Variants in RNF123 observed in about 807,000 individuals in gnomAD.
The protein encoded by RNF123 is E3 ubiquitin-protein ligase RNF123.
In RNF123, 86 loss-of-function variants were observed where a neutral mutation model predicts 168.5. That is an observed-to-expected ratio of 0.51 (90% CI 0.43 to 0.61). The LOEUF is 0.61. Among genes scored for constraint, RNF123 ranks in the 20% least tolerant of loss-of-function variants. The pLI, the probability that RNF123 is intolerant of heterozygous loss-of-function variation, is 0.00. For missense variants in RNF123, 1,419 were observed against 1,729.7 expected (o/e 0.82, Z 3.19); for synonymous variants, 666 against 689.1 (o/e 0.97, Z 0.52).
At position 49,720,852 on chromosome 3, in the gene RNF123, G is replaced by A. The variant is rs770505093; in HGVS notation, c.3696G>A (p.Ala1232=). The change falls in exon 37 of 39, where the codon GCG becomes GCA. Residue 1232 remains alanine, a synonymous_variant. Coordinates refer to ENST00000327697, the MANE Select transcript of RNF123 (RefSeq NM_022064.5). ...TGGCCCAAGTGGAACAGATGCTGGC[G>A]CACCTGACCTCTGCATCTGCCCAGG... ...DELAQVEQML[A]HLTSASAQAA... is the part of the protein sequence containing the mutation. 8 of 1,614,166 alleles carry A rather than the reference G, an allele frequency of 5.0e-6. No individual in the cohort carries two copies. Among genetic ancestry groups the A allele is most frequent in the East Asian group, 2.2e-5 (1 of 44,884 alleles).
At chr3:49,705,209 TC>T in intron 23 of RNF123, 27 bp downstream of exon 23, 1 of 1,576,730 alleles carries the variant, frequency 6.3e-7, no homozygotes, top group Admixed American at 1.8e-5. Flanking sequence ...GTCAGGCAGG[TC>T]CCCGAAGGAC....
intron 38 of RNF123, 21 bp from the exon 39 acceptor site, chr3:49,721,164 T>A (rs2080397354): frequency 6.2e-7 from 1 of 1,614,172 alleles, no homozygotes; most frequent in Non-Finnish European, 8.5e-7. Context: ...AGGGCAGTCC[T>A]CATCCCCTCC....
chr3:49,706,716 G>C, intron 25 of RNF123, 75 bp from the exon 26 acceptor site: 1 of 1,336,090 alleles, frequency 7.5e-7, no homozygotes, highest in Non-Finnish European at 1.1e-6. Context: ...GCCCTTCCTA[G>C]GCTGCCTGCA....
At chr3:49,713,284 G>C (rs2080178417) in intron 27 of RNF123, 2 of 598,348 alleles carry the variant, frequency 3.3e-6, no homozygotes, top group Non-Finnish European at 5.9e-6. Flanking sequence ...TTGAGCCCAG[G>C]TCAGGGCTCC....
intron 24 of RNF123, 96 bp downstream of exon 24, chr3:49,705,775 G>A: frequency 6.4e-7 from 1 of 1,565,644 alleles, no homozygotes; most frequent in Non-Finnish European, 8.7e-7. Context: ...AGGGCTGCCT[G>A]TTCAAGACCG....
In RNF123 at chr3:49,716,090, C is replaced by T. The variant is rs1248180920; in HGVS notation, c.3340-12C>T. 6.2e-7 allele frequency: 1 copy of T among 1,613,656 alleles called. No homozygotes were observed. The highest frequency in any genetic ancestry group is 8.5e-7 in the Non-Finnish European group (1 of 1,179,982). ...CTCCCCATCCACCAATGGACTCCTG[C>T]TCCCCTCACAGCTGCTAAACCAGGT... On this transcript the variant is annotated splice_polypyrimidine_tract_variant and intron_variant, in intron 33 of 38. Transcript: ENST00000327697.
Position 49,702,330 on chromosome 3 carries a change from A to G in RNF123, c.1558-4A>G. 1 of 1,614,054 alleles carries G rather than the reference A, an allele frequency of 6.2e-7. No individual in the cohort carries two copies. Among genetic ancestry groups the G allele is most frequent in the African/African-American group, 1.3e-5 (1 of 75,034 alleles). ...GCACAGCCTCACTTTTCCCTCTCTCAAAGGGTGAAGCTTCTAGGTATATCT... is the reference window on the plus strand; with the variant it reads ...GCACAGCCTCACTTTTCCCTCTCTCGAAGGGTGAAGCTTCTAGGTATATCT... On this transcript the variant is annotated splice_region_variant and splice_polypyrimidine_tract_variant and intron_variant, in intron 18 of 38. Coordinates refer to ENST00000327697, the MANE Select transcript of RNF123 (RefSeq NM_022064.5).
rs571624743 is a variant in RNF123, at chr3:49,714,373, C to G, written c.3010+199C>G. ...AAGGATACTCGGGATGGGACTCCCCCTCCCCAGCCTTGCCCACAGTCTTAC... is the reference window on the plus strand; with the variant it reads ...AAGGATACTCGGGATGGGACTCCCCGTCCCCAGCCTTGCCCACAGTCTTAC... On this transcript the variant is annotated intron_variant, in intron 31 of 38. Coordinates refer to ENST00000327697, the MANE Select transcript of RNF123 (RefSeq NM_022064.5). Among the ~76,000 whole-genome samples, 24 of 152,346 alleles carry G rather than the reference C, an allele frequency of 1.6e-4. 1 individual carries two copies. In the South Asian group the frequency reaches 5.0e-3, roughly 32 times the overall value.
chr3:49,712,769 G>T (rs1258389094), intron 27 of RNF123, 113 bp downstream of exon 27: 9 of 1,236,410 alleles, frequency 7.3e-6, no homozygotes, highest in Non-Finnish European at 9.3e-6. Context: ...GTGGGGGGCG[G>T]GGAGGGGAGG....
chr3:49,701,374 C>T, intron 15 of RNF123, 117 bp from the exon 16 acceptor site: 1 of 793,086 alleles, frequency 1.3e-6, no homozygotes, highest in South Asian at 1.5e-5. Context: ...GCAACATGCC[C>T]CTGTGGTGGT....
intron 12 of RNF123, 170 bp from the exon 13 acceptor site, chr3:49,700,057 T>C: frequency 2.2e-6 from 2 of 905,572 alleles, no homozygotes; most frequent in Non-Finnish European, 3.3e-6. Context: ...CGTGGGGCAA[T>C]GGCCTTCTTG....
rs77308703 is a variant in RNF123, at chr3:49,699,104, C to T, written c.763C>T (p.Arg255Cys). 1,839 of 1,612,932 alleles carry T rather than the reference C, an allele frequency of 1.1e-3. 17 individuals are homozygous for T. The East Asian group carries it at 0.025, about 22-fold the overall frequency. Residue 255 changes from arginine to cysteine, a missense_variant and splice_region_variant, in exon 10 of 39, where the codon CGC becomes TGC. Physicochemically the swap from Arg to Cys is radical, Grantham distance 180. Around this residue, in one of 5 missense-constraint regions of RNF123, gnomAD observed 318 missense variants for 446.6 expected, o/e 0.71. Coordinates refer to ENST00000327697, the MANE Select transcript of RNF123 (RefSeq NM_022064.5). The surrounding 1 kb of genome is among the most constrained non-coding windows in gnomAD (Gnocchi z 4.8). ...VAFNFGSRPL[R>C]YPVAGYRPLQ... Reference sequence around the variant, plus strand: ...CTTCAACTTTGGCAGCCGTCCTCTGCGATATCATTTTGTGAAGATGGCTGT... The same window carrying T: ...CTTCAACTTTGGCAGCCGTCCTCTGTGATATCATTTTGTGAAGATGGCTGT...
At chr3:49,691,930 A>C (rs182273614) in intron 3 of RNF123, among the ~76,000 whole-genome samples, 186 of 147,338 alleles carry the variant, frequency 1.3e-3, no homozygotes, top group Admixed American at 1.8e-3. Flanking sequence ...TCAGTATAAA[A>C]GTTACAAGTA....
chr3:49,704,421 G>T (rs984472113), intron 21 of RNF123, among the ~76,000 whole-genome samples: 2 of 152,154 alleles, frequency 1.3e-5, no homozygotes, highest in African/African-American at 2.4e-5. Flanking sequence ...AAAAAGAAGG[G>T]TGTGATGGGG....
chr3:49,694,777 C>A (rs1472228209), intron 3 of RNF123, among the ~76,000 whole-genome samples: 1 of 152,122 alleles, frequency 6.6e-6, no homozygotes, highest in African/African-American at 2.4e-5. Context: ...CCTGCCCACC[C>A]CCACCCCATA....
rs769646708 is a variant in RNF123 at position 49,705,620 on chromosome 3, G to A, written c.2245G>A (p.Glu749Lys). Residue 749 changes from glutamate (E) to lysine (K), a missense_variant, in exon 24 of 39, where the codon GAA (glutamate) becomes AAA (lysine). By Grantham distance (56) the Glu-to-Lys change is moderately conservative. Coordinates refer to ENST00000327697, the MANE Select transcript of RNF123 (RefSeq NM_022064.5). ...GCCCCTCACCGAGAACTCGCTGCTG[G>A]AAGTCCTGGATGGGGCGGTCATGAT... is the stretch of plus-strand genomic sequence containing the variant. ...EQPLTENSLL[E>K]VLDGAVMMYN... The A allele has an allele frequency of 6.2e-7, 1 of 1,614,122 alleles. No homozygotes were observed. Among genetic ancestry groups the A allele is most frequent in the Non-Finnish European group, 8.5e-7 (1 of 1,179,994 alleles).
Position 49,713,505 on chromosome 3 carries a change from C to T in RNF123, c.2675-8C>T, listed in dbSNP as rs779973400. On this transcript the variant is annotated splice_polypyrimidine_tract_variant and splice_region_variant and intron_variant, in intron 27 of 38. Coordinates refer to ENST00000327697, the MANE Select transcript of RNF123 (RefSeq NM_022064.5). ...CCAGCCGACACGTCTCACTTCCCAC[C>T]CTTGCAGGCTATGAAGAGACCCTGA... is the stretch of plus-strand genomic sequence containing the variant. 7 of 1,604,706 alleles carry T rather than the reference C, an allele frequency of 4.4e-6. No homozygotes were observed. The Admixed American group carries it at 1.2e-4, about 27-fold the overall frequency.
chr3:49,692,336 A>G (rs544171824), intron 3 of RNF123, among the ~76,000 whole-genome samples: 11 of 152,310 alleles, frequency 7.2e-5, no homozygotes, highest in Non-Finnish European at 1.5e-4. Flanking sequence ...TTTGTGTTAC[A>G]TTTTTAATTT....
chr3:49,721,068 T>G lies in RNF123; in HGVS notation c.3787T>G (p.Ser1263Ala). The G allele has an allele frequency of 6.2e-7, 1 of 1,613,928 alleles. No individual in the cohort carries two copies. Among genetic ancestry groups the G allele is most frequent in the Non-Finnish European group, 8.5e-7 (1 of 1,179,916 alleles). The change falls in exon 38 of 39, where the codon TCT becomes GCT. Residue 1263 changes from serine (S) to alanine (A), a missense_variant. Ser to Ala is a moderately conservative substitution (Grantham distance 99, BLOSUM62 1). Transcript: ENST00000327697. ...CCCCATCTGCTATGCCCACCCCATC[T>G]CTGCTGTGTTCCAGCCCTGTGGCCA... ...LCPICYAHPISAVFQPCGHKS... is the reference protein window; with the variant it reads ...LCPICYAHPIAAVFQPCGHKS...
Sources: allele counts gnomAD v4.1 joint callset (sites outside exome capture counted in the v4.1 genomes callset), GRCh38; gene constraint gnomAD v4.1.1; regional missense constraint gnomAD v4.1.1; non-coding constraint Gnocchi (gnomAD v3.1); transcripts MANE v1.5; gene names NCBI Gene and HGNC (gene_info 2026-07-23, HGNC 2026-07-21).